The following CRNKL1 variants were observed in gnomAD, a reference collection of about 807,000 sequenced individuals.
CRNKL1 encodes the protein crooked neck pre-mRNA splicing factor 1.
A neutral mutation model predicts 103.7 loss-of-function variants in CRNKL1; 35 were observed. The observed-to-expected ratio is 0.34, with a 90% CI of 0.26 to 0.45. CRNKL1 has a LOEUF of 0.45. CRNKL1 is among the 20% of genes least tolerant of loss of function. The probability of loss-of-function intolerance (pLI) is 1.00; values close to 1 mark genes in which losing one functional copy is unlikely to be tolerated. For missense variants in CRNKL1, 645 were observed against 836.0 expected (o/e 0.77, Z 2.82); for synonymous variants, 267 against 282.6 (o/e 0.94, Z 0.55).
intron 6 of CRNKL1, among the ~76,000 whole-genome samples, chr20:20,044,625 C>T (rs73289670): frequency 0.052 from 7,890 of 152,128 alleles, 697 homozygotes; most frequent in African/African-American, 0.18. Flanking sequence ...ATTTGAACTC[C>T]CTTTTTTTTT....
chr20:20,042,542 T>C (rs777262990), intron 7 of CRNKL1, 26 bp from the exon 8 acceptor site: 1 of 1,579,674 alleles, frequency 6.3e-7, no homozygotes, highest in Non-Finnish European at 8.6e-7. Context: ...GTTTAATAAA[T>C]AAAAAACAAA....
At chr20:20,045,540 TA>T in intron 5 of CRNKL1, 54 bp from the exon 6 acceptor site, 3 of 1,497,090 alleles carry the variant, frequency 2.0e-6, no homozygotes, top group Non-Finnish European at 2.7e-6. Flanking sequence ...AAAAAAATAG[TA>T]AGTAAGTAAA....
Position 20,037,527 on chromosome 20 carries a change from T to C in CRNKL1, c.1692A>G (p.Glu564=), listed in dbSNP as rs1304136804. 3 of 1,614,066 alleles carry C rather than the reference T, an allele frequency of 1.9e-6. No individual in the cohort carries two copies. The highest frequency in any genetic ancestry group is 2.7e-5 in the African/African-American group (2 of 74,924). ...TTTGTCTGCATTTAGTCAAACTTCCTTCTTTTCCTGAAGACAACTCAAACT... is the reference window on the plus strand; with the variant it reads ...TTTGTCTGCATTTAGTCAAACTTCCCTCTTTTCCTGAAGACAACTCAAACT... The part of the protein sequence containing the change: ...FAQFELSSGK[E]GSLTKCRQIY... The change falls in exon 13 of 14, where the codon GAA becomes GAG. Residue 564 remains glutamate (E), a synonymous_variant. Coordinates refer to ENST00000536226, the MANE Select transcript of CRNKL1 (RefSeq NM_001278628.2).
intron 2 of CRNKL1, among the ~76,000 whole-genome samples, chr20:20,050,098 C>T (rs2281313): frequency 0.11 from 17,349 of 151,932 alleles, 1,996 homozygotes; most frequent in East Asian, 0.6. Flanking sequence ...ATTACAGGCG[C>T]GAGCCACTGT....
At chr20:20,049,519 G>A (rs1299518886) in intron 2 of CRNKL1, 88 bp from the exon 3 acceptor site, 3 of 663,810 alleles carry the variant, frequency 4.5e-6, no homozygotes, top group African/African-American at 1.8e-5. Flanking sequence ...GTACTAAAAT[G>A]GTTATTCATT....
rs746472834 is a variant in CRNKL1, at chr20:20,036,341, A to G, written c.1918T>C (p.Tyr640His). ...TCTTCTGGAAAGATGTAATCAAAGT[A>G]TTCTTCCCAGCCTGCATCAGACTAC... ...DDGSDAGWEEYFDYIFPEDAA... is the reference protein window; with the variant it reads ...DDGSDAGWEEHFDYIFPEDAA... Residue 640 changes from tyrosine to histidine, a missense_variant, in exon 14 of 14, where the codon TAC (tyrosine) becomes CAC (histidine). Transcript: ENST00000536226. The G allele has an allele frequency of 1.2e-6, 2 of 1,614,200 alleles. No homozygotes were observed. The highest frequency in any genetic ancestry group is 1.7e-6 in the Non-Finnish European group (2 of 1,180,028).
At chr20:20,037,231 G>C in intron 13 of CRNKL1, 92 bp downstream of exon 13, 2 of 1,451,246 alleles carry the variant, frequency 1.4e-6, no homozygotes, top group Non-Finnish European at 1.9e-6. Context: ...TTCTAAGATT[G>C]TACATATGCC....
chr20:20,050,706 G>T, intron 1 of CRNKL1, 84 bp from the exon 2 acceptor site: 1 of 1,292,592 alleles, frequency 7.7e-7, no homozygotes, highest in South Asian at 1.5e-5. Context: ...TTTAGGATAT[G>T]AACTTTGTTA....
Position 20,045,431 on chromosome 20 carries a change from T to G in CRNKL1, c.678A>C (p.Glu226Asp). 1 of 1,613,526 alleles carries G rather than the reference T, an allele frequency of 6.2e-7. No individual in the cohort carries two copies. Among genetic ancestry groups the G allele is most frequent in the South Asian group, 1.1e-5 (1 of 91,026 alleles). Residue 226 changes from glutamate to aspartate, a missense_variant, in exon 6 of 14, where the codon GAA becomes GAC. Coordinates refer to ENST00000536226, the MANE Select transcript of CRNKL1 (RefSeq NM_001278628.2). ...KNWIKYARFE[E>D]KHAYFAHARK... Reference sequence around the variant, plus strand: ...GTGCATGGGCAAAATAAGCATGTTTTTCTTCAAAGCGGGCATACTTGATCC... The same window carrying G: ...GTGCATGGGCAAAATAAGCATGTTTGTCTTCAAAGCGGGCATACTTGATCC...
rs764167779 is a variant in CRNKL1 at position 20,041,519 on chromosome 20, A to C, written c.1224+47T>G. On this transcript the variant is annotated intron_variant, in intron 9 of 13. Coordinates refer to ENST00000536226, the MANE Select transcript of CRNKL1 (RefSeq NM_001278628.2). ...ACTGAATTACTTCACAAGTAACAGA[A>C]GAGGATTCTGACCTGTTTGAAATGG... The C allele has an allele frequency of 7.2e-6, 10 of 1,384,364 alleles. No homozygotes were observed. In the South Asian group the frequency reaches 1.2e-4, roughly 16 times the overall value. The allele number at this position is 1,384,364 out of a possible 1,614,324, so 85.8% of individuals were successfully genotyped here. A position where few individuals can be genotyped will look rare whatever the true frequency, so the allele number is the denominator to read the frequency against.
chr20:20,052,160 G>A, intron 1 of CRNKL1, 132 bp downstream of exon 1: 1 of 793,480 alleles, frequency 1.3e-6, no homozygotes, highest in South Asian at 1.8e-5. Context: ...ACCACCAGCT[G>A]CCCTTCCTCT....
Position 20,039,737 on chromosome 20 carries a change from C to G in CRNKL1, c.1417G>C (p.Glu473Gln), listed in dbSNP as rs776265687. The change falls in exon 11 of 14, where the codon GAA becomes CAA. Residue 473 changes from glutamate (E) to glutamine (Q), a missense_variant. Glu to Gln is a conservative substitution (Grantham distance 29, BLOSUM62 2). This residue lies in a region of CRNKL1 where 582 missense variants were observed against 707.7 expected (regional missense o/e 0.82). Transcript: ENST00000536226. Reference sequence around the variant, plus strand: ...GAGGTACAATTTTCAGGTCCAAATTCCAGGAACTTTTCATAAAGCTTCCGG... The same window carrying G: ...GAGGTACAATTTTCAGGTCCAAATTGCAGGAACTTTTCATAAAGCTTCCGG... Reference protein sequence around the residue: ...RCRKLYEKFLEFGPENCTSWI... With the variant: ...RCRKLYEKFLQFGPENCTSWI... 2 of 1,614,192 alleles carry G rather than the reference C, an allele frequency of 1.2e-6. No individual in the cohort carries two copies. The highest frequency in any genetic ancestry group is 3.3e-5 in the Admixed American group (2 of 60,028).
upstream of CRNKL1, chr20:20,055,813 C>A: frequency 1.5e-6 from 1 of 669,846 alleles, no homozygotes; most frequent in Non-Finnish European, 2.6e-6. Flanking sequence ...TCATTGTTTT[C>A]CCTGTTTTGA....
rs1214816530 is a variant in CRNKL1, at chr20:20,034,836, C to CGAA, written c.*1356_*1358dup. 6.6e-6 allele frequency: 1 copy of CGAA among 152,162 alleles called. No homozygotes were observed. Among genetic ancestry groups the CGAA allele is most frequent in the African/African-American group, 2.4e-5 (1 of 41,426 alleles). 9.4% of individuals were successfully genotyped at this position (152,162 alleles called of 1,614,324 possible). A position where few individuals can be genotyped will look rare whatever the true frequency, so the allele number is the denominator to read the frequency against. On this transcript the variant is annotated 3_prime_UTR_variant, in exon 14 of 14. Coordinates refer to ENST00000536226, the MANE Select transcript of CRNKL1 (RefSeq NM_001278628.2). ...AAGATAAAATTTAGTAACAACATTA[C>CGAA]GAAGTAGCTTTTATTCCCTTGGGTG... is the stretch of plus-strand genomic sequence containing the variant.
chr20:20,036,372 TAAA>T lies in CRNKL1; in HGVS notation c.1897-13_1897-11del. The T allele has an allele frequency of 6.2e-7, 1 of 1,613,652 alleles. No individual in the cohort carries two copies. ...CCCAGCCTGCATCAGACTACAGAAA[TAAA>T]AAATGAAAAGATAAGCAAACGTGGG... On this transcript the variant is annotated splice_polypyrimidine_tract_variant and intron_variant, in intron 13 of 13. Coordinates refer to ENST00000536226, the MANE Select transcript of CRNKL1 (RefSeq NM_001278628.2).
chr20:20,050,717 G>A (rs563090219), intron 1 of CRNKL1, 95 bp from the exon 2 acceptor site: 16 of 1,142,468 alleles, frequency 1.4e-5, no homozygotes, highest in Admixed American at 8.1e-5. Flanking sequence ...AACTTTGTTA[G>A]TATTATCACA....
intron 10 of CRNKL1, 136 bp from the exon 11 acceptor site, chr20:20,039,984 G>A: frequency 1.2e-6 from 1 of 866,734 alleles, no homozygotes; most frequent in Non-Finnish European, 1.8e-6. Context: ...CTTTCCCTCT[G>A]TGGTATCACA....
chr20:20,052,976 G>A (rs2146515340), upstream of CRNKL1, among the ~76,000 whole-genome samples: 1 of 152,246 alleles, frequency 6.6e-6, no homozygotes, highest in South Asian at 2.1e-4. Context: ...AATAACAGAA[G>A]GTACTTTGAA....
chr20:20,040,704 T>C lies in CRNKL1; in HGVS notation c.1287A>G (p.Ser429=), dbSNP rs1426330055. The change falls in exon 10 of 14, where the codon TCA becomes TCG. Residue 429 remains serine, a synonymous_variant. Coordinates refer to ENST00000536226, the MANE Select transcript of CRNKL1 (RefSeq NM_001278628.2). Reference sequence around the variant, plus strand: ...TACTTACCAATGCTCTTCTGGCTAATGACAGATTCTTCTGTCGTATTTCAA... The same window carrying C: ...TACTTACCAATGCTCTTCTGGCTAACGACAGATTCTTCTGTCGTATTTCAA... ...AQFEIRQKNL[S]LARRALGTSI... The C allele has an allele frequency of 1.9e-6, 3 of 1,610,514 alleles. No individual in the cohort carries two copies. In the Admixed American group the frequency reaches 5.0e-5, roughly 27 times the overall value.
Sources: allele counts gnomAD v4.1 joint callset (sites outside exome capture counted in the v4.1 genomes callset), GRCh38; gene constraint gnomAD v4.1.1; regional missense constraint gnomAD v4.1.1; transcripts MANE v1.5; gene names NCBI Gene and HGNC (gene_info 2026-07-23, HGNC 2026-07-21).